The following BCAS4 variants were observed in gnomAD, a reference collection of about 807,000 sequenced individuals.
The protein encoded by BCAS4 is breast carcinoma-amplified sequence 4.
Under a neutral mutation model 15.7 loss-of-function variants are expected in BCAS4, and 9 were observed. The ratio of observed to expected loss-of-function variants is 0.57; its 90% CI spans 0.34 to 1.00. BCAS4 has a LOEUF of 1.00. BCAS4 is among the 50% of genes least tolerant of loss of function. The probability of loss-of-function intolerance (pLI) is 0.02; values close to 1 mark genes in which losing one functional copy is unlikely to be tolerated. For missense variants in BCAS4, 225 were observed against 239.1 expected, an observed-to-expected ratio of 0.94 and a Z score of 0.39; for synonymous variants, 101 against 99.5, an observed-to-expected ratio of 1.02 and a Z score of -0.09.
chr20:50,828,035 A>AT (rs910098007), intron 2 of BCAS4, among the ~76,000 whole-genome samples: 140 of 144,690 alleles, frequency 9.7e-4, no homozygotes, highest in Non-Finnish European at 1.1e-3. Flanking sequence ...GCCTTCAAAA[A>AT]TTTTTTTTTT....
At position 50,876,622 on chromosome 20, in the gene BCAS4, C is replaced by T. The variant is rs1446584935; in HGVS notation, c.*14C>T. 2 of 1,613,320 alleles carry T rather than the reference C, an allele frequency of 1.2e-6. No individual in the cohort carries two copies. The highest frequency in any genetic ancestry group is 1.7e-6 in the Non-Finnish European group (2 of 1,179,680). On this transcript the variant is annotated 3_prime_UTR_variant, in exon 5 of 5. Transcript: ENST00000371608. ...CGGCCTTTGTGAGCTTTGTGGTCTT[C>T]CCATCAGGAACGCTGGAAAGTGACA...
intron 1 of BCAS4, among the ~76,000 whole-genome samples, chr20:50,807,280 G>A (rs778758491): frequency 7.2e-5 from 11 of 152,128 alleles, no homozygotes; most frequent in South Asian, 2.1e-4. Context: ...TGCACCCTCC[G>A]CTTCCTGGCT....
chr20:50,876,205 C>T, intron 4 of BCAS4: 1 of 409,910 alleles, frequency 2.4e-6, no homozygotes. Context: ...CCTGCCTTGG[C>T]CTCCCAAAGT....
chr20:50,839,246 C>T (rs1345534113), intron 3 of BCAS4, among the ~76,000 whole-genome samples: 2 of 152,216 alleles, frequency 1.3e-5, no homozygotes, highest in African/African-American at 2.4e-5. Context: ...CATGTACACA[C>T]GTGCATACGC....
At chr20:50,861,151 C>CG (rs1979046715) in intron 4 of BCAS4, among the ~76,000 whole-genome samples, 1 of 152,014 alleles carries the variant, frequency 6.6e-6, no homozygotes, top group Admixed American at 6.6e-5. Context: ...CACCTGGGAG[C>CG]GGGAGGCCCA....
At chr20:50,850,619 T>TG (rs1014576782) in intron 4 of BCAS4, among the ~76,000 whole-genome samples, 10 of 150,864 alleles carry the variant, frequency 6.6e-5, no homozygotes, top group African/African-American at 1.7e-4. Flanking sequence ...AGTTTTTATT[T>TG]GGGGGGGTTG....
chr20:50,855,042 A>T (rs1185971115), intron 4 of BCAS4, among the ~76,000 whole-genome samples: 1 of 152,090 alleles, frequency 6.6e-6, no homozygotes, highest in Admixed American at 6.5e-5. Context: ...CTGGGTCATG[A>T]GGGGTTGGGC....
At chr20:50,839,648 A>T (rs757319246) in intron 3 of BCAS4, among the ~76,000 whole-genome samples, 1 of 152,176 alleles carries the variant, frequency 6.6e-6, no homozygotes, top group Non-Finnish European at 1.5e-5. Flanking sequence ...GAATACAGGC[A>T]TGCACCACCA....
At chr20:50,833,418 C>A (rs960302107) in intron 3 of BCAS4, among the ~76,000 whole-genome samples, 6 of 152,208 alleles carry the variant, frequency 3.9e-5, no homozygotes, top group Non-Finnish European at 8.8e-5. Context: ...GTGCTGCTGA[C>A]CTGGAAAATT....
At chr20:50,827,861 G>A (rs1161131577) in intron 2 of BCAS4, among the ~76,000 whole-genome samples, 2 of 152,038 alleles carry the variant, frequency 1.3e-5, no homozygotes, top group African/African-American at 4.8e-5. Context: ...CGAGTAGCTG[G>A]GACTACAGGC....
chr20:50,847,845 C>G (rs1229944805), intron 4 of BCAS4, among the ~76,000 whole-genome samples: 1 of 152,034 alleles, frequency 6.6e-6, no homozygotes, highest in Non-Finnish European at 1.5e-5. Flanking sequence ...GAGTTCCAGA[C>G]CAGCCTGGGC....
intron 3 of BCAS4, chr20:50,833,080 G>A (rs1437184441): frequency 2.0e-5 from 3 of 152,360 alleles, no homozygotes; most frequent in African/African-American, 7.2e-5. Flanking sequence ...TGGAGAATGA[G>A]TGGAAGGAAC....
rs140838804 is a variant in BCAS4, at chr20:50,876,598, G to A, written c.512G>A (p.Arg171Gln). 109 of 1,613,918 alleles carry A rather than the reference G, an allele frequency of 6.8e-5. No individual in the cohort carries two copies. Among genetic ancestry groups the A allele is most frequent in the Middle Eastern group, 1.6e-4 (1 of 6,062 alleles). The change falls in exon 5 of 5, where the codon CGG (arginine) becomes CAG (glutamine). Residue 171 changes from arginine (R) to glutamine (Q), a missense_variant. Arg to Gln is a conservative substitution (Grantham distance 43, BLOSUM62 1). Coordinates refer to ENST00000371608, the MANE Select transcript of BCAS4 (RefSeq NM_198799.4). ...EAQHHPRTCP[R>Q]PL ...CAGCACCACCCCCGCACCTGCCCTC[G>A]GCCTTTGTGAGCTTTGTGGTCTTCC...
intron 4 of BCAS4, among the ~76,000 whole-genome samples, chr20:50,842,909 C>T (rs2088502662): frequency 1.3e-5 from 2 of 152,202 alleles, no homozygotes; most frequent in African/African-American, 4.8e-5. Context: ...CCTGTCTCCA[C>T]TGTTCCTACC....
intron 1 of BCAS4, among the ~76,000 whole-genome samples, chr20:50,810,692 G>A (rs902853084): frequency 4.0e-5 from 6 of 150,542 alleles, no homozygotes; most frequent in Admixed American, 6.7e-5. Flanking sequence ...CTGGGTTCAC[G>A]CCGTTTTCCT....
At chr20:50,834,876 G>A (rs914152248) in intron 3 of BCAS4, among the ~76,000 whole-genome samples, 5 of 152,152 alleles carry the variant, frequency 3.3e-5, no homozygotes, top group African/African-American at 4.8e-5. Flanking sequence ...GTTGTAGCAT[G>A]TGCCAAGACC....
chr20:50,869,459 C>T (rs1450053169), intron 4 of BCAS4, among the ~76,000 whole-genome samples: 1 of 152,192 alleles, frequency 6.6e-6, no homozygotes, highest in Non-Finnish European at 1.5e-5. Context: ...CTGGGCCCAG[C>T]AGCCCTGTTG....
rs1422445426 is a variant in BCAS4, at chr20:50,841,883, C to T, written c.382C>T (p.Leu128Phe). The T allele has an allele frequency of 1.3e-6, 2 of 1,589,762 alleles. No homozygotes were observed. The highest frequency in any genetic ancestry group is 2.3e-5 in the East Asian group (1 of 44,182). The change falls in exon 4 of 5, where the codon CTC (leucine) becomes TTC (phenylalanine). Residue 128 changes from leucine (L) to phenylalanine (F), a missense_variant. Coordinates refer to ENST00000371608, the MANE Select transcript of BCAS4 (RefSeq NM_198799.4). ...GCGGAGGTGGCTGGGATCCGCAGGG[C>T]TCCCCTCCTTCAGGAACGTGAGTAT... is the stretch of plus-strand genomic sequence containing the variant. ...ALRRWLGSAGLPSFRNKSPAP... is the reference protein window; with the variant it reads ...ALRRWLGSAGFPSFRNKSPAP...
rs138666986 is a variant in BCAS4, at chr20:50,797,421, A to G, written c.90+2248A>G. Among the ~76,000 whole-genome samples the G allele has an allele frequency of 2.0e-5, 3 of 152,274 alleles. No homozygotes were observed. The East Asian group carries it at 5.8e-4, about 29-fold the overall frequency. On this transcript the variant is annotated intron_variant, in intron 1 of 4. Coordinates refer to ENST00000371608, the MANE Select transcript of BCAS4 (RefSeq NM_198799.4). ...TAAAAAAATAGCATGGAGGCAGGGTACAGTGGCTTATGCCTGTAATTCCAG... is the reference window on the plus strand; with the variant it reads ...TAAAAAAATAGCATGGAGGCAGGGTGCAGTGGCTTATGCCTGTAATTCCAG...
Sources: gnomAD v4.1 joint callset for allele counts (sites outside exome capture counted in the v4.1 genomes callset) on GRCh38, gnomAD v4.1.1 for gene constraint, MANE v1.5 for transcripts, NCBI Gene and HGNC (gene_info 2026-07-23, HGNC 2026-07-21) for gene names.